CLEC4G: variants seen among roughly 807,000 people sequenced by gnomAD.
CLEC4G encodes C-type lectin domain family 4 member G.
Under a neutral mutation model 37.0 loss-of-function variants are expected in CLEC4G, and 34 were observed. The ratio of observed to expected loss-of-function variants is 0.92; its 90% CI spans 0.70 to 1.22. CLEC4G has a LOEUF of 1.22. CLEC4G is among the 50% of genes most tolerant of loss of function. CLEC4G has a pLI of 0.00. For missense variants in CLEC4G, 390 were observed against 392.9 expected, an observed-to-expected ratio of 0.99 and a Z score of 0.06; for synonymous variants, 167 against 165.6, an observed-to-expected ratio of 1.01 and a Z score of -0.06.
intron 2 of CLEC4G, 135 bp from the exon 3 acceptor site, chr19:7,731,454 C>T: frequency 6.8e-7 from 1 of 1,478,786 alleles, no homozygotes; most frequent in African/African-American, 1.4e-5. Context: ...GCACACACGC[C>T]GATGGGAGAC....
rs1469831176 is a variant in CLEC4G, at chr19:7,729,316, C to T, written c.*50G>A. 1 of 1,333,460 alleles carries T rather than the reference C, an allele frequency of 7.5e-7. No individual in the cohort carries two copies. The highest frequency in any genetic ancestry group is 2.3e-5 in the East Asian group (1 of 43,618). 82.6% of individuals were successfully genotyped at this position (1,333,460 alleles called of 1,614,324 possible). On this transcript the variant is annotated 3_prime_UTR_variant, in exon 9 of 9. Coordinates refer to ENST00000328853, the MANE Select transcript of CLEC4G (RefSeq NM_198492.4). ...CAGGAGCCAGGGAGGTGAGCAGCCC[C>T]CAGGATACGACATGCTGCAATGGGC...
At position 7,731,661 on chromosome 19, in the gene CLEC4G, C is replaced by T. The variant is rs747357667; in HGVS notation, c.166G>A (p.Ala56Thr). The part of the protein sequence containing the change: ...AVILSILLSK[A>T]STERAALLDG... ...CACCTCCCCATTGAGAGTCACTCAC[C>T]CTTGGACAATAGGATACTCAGAATC... Residue 56 changes from alanine to threonine, a missense_variant and splice_region_variant, in exon 2 of 9, where the codon GCC (alanine) becomes ACC (threonine). Physicochemically the swap from Ala to Thr is moderately conservative, Grantham distance 58. Transcript: ENST00000328853. 6.2e-6 allele frequency: 10 copies of T among 1,613,834 alleles called. No individual in the cohort carries two copies. The highest frequency in any genetic ancestry group is 2.7e-5 in the African/African-American group (2 of 74,896).
rs751580839 is a variant in CLEC4G, at chr19:7,731,332, G to A, written c.167-13C>T. ...CGCTCCGTGGAGGCTGAGGAGAGAG[G>A]CTCCTGCAGGCGAGGCCGGGAACTC... On this transcript the variant is annotated splice_polypyrimidine_tract_variant and intron_variant, in intron 2 of 8. Coordinates refer to ENST00000328853, the MANE Select transcript of CLEC4G (RefSeq NM_198492.4). The A allele has an allele frequency of 5.3e-5, 83 of 1,563,290 alleles. No homozygotes were observed. Among genetic ancestry groups the A allele is most frequent in the Non-Finnish European group, 6.7e-5 (78 of 1,159,906 alleles).
In CLEC4G at chr19:7,730,458, C is replaced by A. The variant is rs779469662; in HGVS notation, c.389-18G>T. 6.3e-7 allele frequency: 1 copy of A among 1,598,346 alleles called. No homozygotes were observed. The highest frequency in any genetic ancestry group is 8.5e-7 in the Non-Finnish European group (1 of 1,179,078). ...CTGGGTCACTGCGGGGTCAAGGGAG[C>A]GGGGATTATGGCTGGGGTCAGGGCC... On this transcript the variant is annotated intron_variant, in intron 5 of 8. Transcript: ENST00000328853. The surrounding 1 kb of genome is among the most constrained non-coding windows in gnomAD (Gnocchi z 7.3).
intron 2 of CLEC4G, 157 bp from the exon 3 acceptor site, chr19:7,731,476 G>T: frequency 6.8e-7 from 1 of 1,470,530 alleles, no homozygotes; most frequent in South Asian, 1.4e-5. Context: ...AACGCGCGGG[G>T]ACTCGCGCAC....
intron 1 of CLEC4G, 21 bp from the exon 2 acceptor site, chr19:7,731,792 T>A: frequency 2.5e-6 from 4 of 1,607,062 alleles, no homozygotes; most frequent in Non-Finnish European, 3.4e-6. Flanking sequence ...AAGGACGGCA[T>A]GCTGGGTCCC....
chr19:7,729,365 G>C lies in CLEC4G; in HGVS notation c.*1C>G. The C allele has an allele frequency of 6.2e-7, 1 of 1,602,246 alleles. No homozygotes were observed. Among genetic ancestry groups the C allele is most frequent in the Non-Finnish European group, 8.5e-7 (1 of 1,170,490 alleles). On this transcript the variant is annotated 3_prime_UTR_variant, in exon 9 of 9. Coordinates refer to ENST00000328853, the MANE Select transcript of CLEC4G (RefSeq NM_198492.4). ...GCGCGGCTCCAGGGCACTGGGCGGG[G>C]TCAGCAGTTGTGCCTTTTCTCACAG...
chr19:7,731,596 T>C, intron 2 of CLEC4G, 65 bp downstream of exon 2: 5 of 1,581,678 alleles, frequency 3.2e-6, no homozygotes, highest in African/African-American at 1.3e-5. Flanking sequence ...TGGTGCGCCA[T>C]GCAGTGGGGG....
rs79388179 is a variant in CLEC4G at position 7,729,313 on chromosome 19, C to A, written c.*53G>T. The A allele has an allele frequency of 1.1e-3, 1,391 of 1,268,166 alleles. 18 individuals are homozygous for A. The East Asian group carries it at 0.03, about 28-fold the overall frequency. The allele number at this position is 1,268,166 out of a possible 1,614,324, so 78.6% of individuals were successfully genotyped here. On this transcript the variant is annotated 3_prime_UTR_variant, in exon 9 of 9. Coordinates refer to ENST00000328853, the MANE Select transcript of CLEC4G (RefSeq NM_198492.4). Reference sequence around the variant, plus strand: ...CTCCAGGAGCCAGGGAGGTGAGCAGCCCCCAGGATACGACATGCTGCAATG... The same window carrying A: ...CTCCAGGAGCCAGGGAGGTGAGCAGACCCCAGGATACGACATGCTGCAATG...
Position 7,730,974 on chromosome 19 carries a change from G to A in CLEC4G, c.283+52C>T. On this transcript the variant is annotated intron_variant, in intron 4 of 8. Coordinates refer to ENST00000328853, the MANE Select transcript of CLEC4G (RefSeq NM_198492.4). This position sits in a 1 kb window ranked among gnomAD's most constrained non-coding sequence, Gnocchi z 7.3. ...CCTCCGCCCCGGCCCCCCTCCCATC[G>A]CGGCCGCAAGACCCCATCCCTGCGC... 7.5e-7 allele frequency: 1 copy of A among 1,334,088 alleles called. No individual in the cohort carries two copies. The highest frequency in any genetic ancestry group is 9.6e-7 in the Non-Finnish European group (1 of 1,041,282). 82.6% of individuals were successfully genotyped at this position (1,334,088 alleles called of 1,614,324 possible). A position where few individuals can be genotyped will look rare whatever the true frequency, so the allele number is the denominator to read the frequency against.
intron 2 of CLEC4G, 157 bp from the exon 3 acceptor site, chr19:7,731,476 G>A: frequency 6.8e-7 from 1 of 1,470,530 alleles, no homozygotes; most frequent in Non-Finnish European, 9.1e-7. Flanking sequence ...AACGCGCGGG[G>A]ACTCGCGCAC....
intron 3 of CLEC4G, 30 bp downstream of exon 3, chr19:7,731,236 G>T (rs765058214): frequency 6.3e-7 from 1 of 1,580,748 alleles, no homozygotes. Context: ...CTCACGCCCC[G>T]GGGGCCCAGG....
chr19:7,729,099 C>T lies in CLEC4G; in HGVS notation c.*267G>A, dbSNP rs1488582513. On this transcript the variant is annotated 3_prime_UTR_variant, in exon 9 of 9. Transcript: ENST00000328853. Reference sequence around the variant, plus strand: ...GTTAGGGAGAGAAGTGGAGGCATATCACGGGGACGCAGGAGCAGGGATTTT... The same window carrying T: ...GTTAGGGAGAGAAGTGGAGGCATATTACGGGGACGCAGGAGCAGGGATTTT... 8 of 595,962 alleles carry T rather than the reference C, an allele frequency of 1.3e-5. No homozygotes were observed. Among genetic ancestry groups the T allele is most frequent in the Non-Finnish European group, 2.5e-5 (8 of 315,252 alleles). The allele number at this position is 595,962 out of a possible 1,614,324, so 36.9% of individuals were successfully genotyped here. A position where few individuals can be genotyped will look rare whatever the true frequency, so the allele number is the denominator to read the frequency against.
Position 7,730,425 on chromosome 19 carries a change from G to A in CLEC4G, c.404C>T (p.Ala135Val), listed in dbSNP as rs1386779753. Residue 135 changes from alanine to valine, a missense_variant, in exon 6 of 9, where the codon GCT (alanine) becomes GTT (valine). Physicochemically the swap from Ala to Val is moderately conservative, Grantham distance 64 (BLOSUM62 0). Coordinates refer to ENST00000328853, the MANE Select transcript of CLEC4G (RefSeq NM_198492.4). This position sits in a 1 kb window ranked among gnomAD's most constrained non-coding sequence, Gnocchi z 7.3. ...ELRERVTQGLAEAGRGREDVR... is the reference protein window; with the variant it reads ...ELRERVTQGLVEAGRGREDVR... ...GTCCTCACGGCCCCTGCCGGCTTCA[G>A]CCAAGCCCTGGGTCACTGCGGGGTC... 6.2e-7 allele frequency: 1 copy of A among 1,601,520 alleles called. No homozygotes were observed. Among genetic ancestry groups the A allele is most frequent in the South Asian group, 1.1e-5 (1 of 91,064 alleles).
Position 7,731,322 on chromosome 19 carries a change from G to A in CLEC4G, c.167-3C>T. On this transcript the variant is annotated splice_region_variant and splice_polypyrimidine_tract_variant and intron_variant, in intron 2 of 8. Transcript: ENST00000328853. ...CAGCGCCGCGCGCTCCGTGGAGGCT[G>A]AGGAGAGAGGCTCCTGCAGGCGAGG... 1 of 1,570,494 alleles carries A rather than the reference G, an allele frequency of 6.4e-7. No individual in the cohort carries two copies. The highest frequency in any genetic ancestry group is 1.3e-5 in the African/African-American group (1 of 74,486).
Position 7,730,116 on chromosome 19 carries a change from T to A in CLEC4G, c.530A>T (p.Tyr177Phe). 1 of 1,612,380 alleles carries A rather than the reference T, an allele frequency of 6.2e-7. No homozygotes were observed. Residue 177 changes from tyrosine (Y) to phenylalanine (F), a missense_variant, in exon 7 of 9, where the codon TAC becomes TTC. Physicochemically the swap from Tyr to Phe is conservative, Grantham distance 22. Coordinates refer to ENST00000328853, the MANE Select transcript of CLEC4G (RefSeq NM_198492.4). This position sits in a 1 kb window ranked among gnomAD's most constrained non-coding sequence, Gnocchi z 7.3. ...CGTCGTCTTTGGCACAGAGAAAAAG[T>A]AGCAGGAGCCCTCGAAGGACAGCCA... The part of the protein sequence containing the change: ...TSWLSFEGSC[Y>F]FFSVPKTTWA...
chr19:7,729,573 C>T, intron 8 of CLEC4G, 69 bp from the exon 9 acceptor site: 4 of 1,302,380 alleles, frequency 3.1e-6, no homozygotes, highest in Non-Finnish European at 4.3e-6. Flanking sequence ...TCCCGCCTTC[C>T]TCTTCAGGCT....
intron 8 of CLEC4G, 79 bp downstream of exon 8, chr19:7,729,742 C>T: frequency 1.3e-6 from 2 of 1,574,044 alleles, no homozygotes; most frequent in East Asian, 2.2e-5. Flanking sequence ...CCGAGGGGTC[C>T]CTGAGATCTA....
intron 8 of CLEC4G, 105 bp downstream of exon 8, chr19:7,729,716 A>T: frequency 6.5e-7 from 1 of 1,535,090 alleles, no homozygotes; most frequent in Non-Finnish European, 8.7e-7. Flanking sequence ...GCCCATCCCT[A>T]AGTATGGAGC....
Sources: allele counts gnomAD v4.1 joint callset, GRCh38; gene constraint gnomAD v4.1.1; non-coding constraint Gnocchi (gnomAD v3.1); transcripts MANE v1.5; gene names NCBI Gene and HGNC (gene_info 2026-07-23, HGNC 2026-07-21).